The following SMTN variants were observed in gnomAD, a reference collection of about 807,000 sequenced individuals.
The protein encoded by SMTN is smoothelin.
In SMTN, 58 loss-of-function variants were observed where a neutral mutation model predicts 102.0. That is an observed-to-expected ratio of 0.57 (90% CI 0.46 to 0.71). SMTN has a LOEUF of 0.71. SMTN is among the 30% of genes least tolerant of loss of function. The probability of loss-of-function intolerance (pLI) is 0.00; values close to 1 mark genes in which losing one functional copy is unlikely to be tolerated. For missense variants in SMTN, 1,185 were observed against 1,241.7 expected, an observed-to-expected ratio of 0.95 and a Z score of 0.69; for synonymous variants, 478 against 497.9, an observed-to-expected ratio of 0.96 and a Z score of 0.53.
At chr22:31,088,192 G>A in intron 3 of SMTN, 79 bp downstream of exon 3, 4 of 1,446,182 alleles carry the variant, frequency 2.8e-6, no homozygotes, top group Non-Finnish European at 3.7e-6. Flanking sequence ...AGGCAGGCGT[G>A]AGCACAAGTG....
intron 20 of SMTN, 150 bp from the exon 21 acceptor site, chr22:31,104,166 G>C (rs757669285): frequency 5.7e-6 from 5 of 877,770 alleles, no homozygotes; most frequent in Non-Finnish European, 8.6e-6. Flanking sequence ...ATGAAGCCAG[G>C]GGCTTCCTGC....
At chr22:31,074,902 G>A (rs541968668) in intron 1 of SMTN, among the ~76,000 whole-genome samples, 7 of 152,332 alleles carry the variant, frequency 4.6e-5, no homozygotes, top group Admixed American at 4.6e-4. Context: ...GGAATGCACC[G>A]TGGAAACGTG....
rs760236889 is a variant in SMTN at position 31,083,306 on chromosome 22, G to T, written c.48G>T (p.Lys16Asn). Residue 16 changes from lysine (K) to asparagine (N), a missense_variant, in exon 2 of 21, where the codon AAG becomes AAT. Physicochemically the swap from Lys to Asn is moderately conservative, Grantham distance 94. Around this residue, in one of 2 missense-constraint regions of SMTN, gnomAD observed 1,096 missense variants for 1,112.7 expected, o/e 0.98. Transcript: ENST00000333137. ...LAGLDEGALR[K>N]LLEVTADLAE... ...GGCTGGATGAGGGAGCCCTTCGGAA[G>T]CTGGTAAGTGGCCCCATCACCCACT... The T allele has an allele frequency of 6.4e-7, 1 of 1,566,196 alleles. No homozygotes were observed. Among genetic ancestry groups the T allele is most frequent in the South Asian group, 1.2e-5 (1 of 84,084 alleles).
intron 11 of SMTN, chr22:31,094,019 C>A: frequency 6.1e-6 from 4 of 658,582 alleles, no homozygotes; most frequent in Non-Finnish European, 1.0e-5. Context: ...AAGACTAGGG[C>A]AAGAGGGTGC....
At chr22:31,094,664 G>GGTT (rs1569259756) in intron 11 of SMTN, among the ~76,000 whole-genome samples, 1 of 141,774 alleles carries the variant, frequency 7.1e-6, no homozygotes, top group Non-Finnish European at 1.5e-5. Context: ...TTCCCCTTCT[G>GGTT]TTTTTTTTTT....
chr22:31,096,651 T>C (rs1318491790), intron 13 of SMTN, 82 bp from the exon 14 acceptor site: 2 of 1,430,412 alleles, frequency 1.4e-6, no homozygotes, highest in Non-Finnish European at 1.9e-6. Flanking sequence ...CACCCCGTCT[T>C]GTGTGCCCCA....
intron 1 of SMTN, among the ~76,000 whole-genome samples, chr22:31,072,089 T>C (rs2042017925): frequency 1.3e-5 from 2 of 152,214 alleles, no homozygotes; most frequent in Admixed American, 1.3e-4. Flanking sequence ...ATAAATCCCC[T>C]TGGCCAAATT....
At chr22:31,072,795 T>C (rs1000572900) in intron 1 of SMTN, among the ~76,000 whole-genome samples, 5 of 152,104 alleles carry the variant, frequency 3.3e-5, no homozygotes, top group Non-Finnish European at 5.9e-5. Context: ...GGTCTTACTC[T>C]GTCACCCAGG....
At chr22:31,071,297 G>T (rs2147477002) in intron 1 of SMTN, among the ~76,000 whole-genome samples, 1 of 151,622 alleles carries the variant, frequency 6.6e-6, no homozygotes, top group East Asian at 2.0e-4. Context: ...GCAGCCATAG[G>T]TGTTCAGGGG....
At chr22:31,101,139 T>C in intron 20 of SMTN, 90 bp downstream of exon 20, 24 of 1,255,298 alleles carry the variant, frequency 1.9e-5, no homozygotes, top group Non-Finnish European at 2.6e-5. Flanking sequence ...GTGGGGGAAG[T>C]AAGGGGGGCA....
Position 31,100,965 on chromosome 22 carries a change from C to T in SMTN, c.2684C>T (p.Thr895Met), listed in dbSNP as rs1019845723. The part of the protein sequence containing the change: ...LREPDWKCVY[T>M]YIQEFYRCLV... The stretch of plus-strand genomic sequence containing the variant: ...GAGCCTGACTGGAAGTGCGTGTACA[C>T]GTACATCCAGGAATTCTACCGCTGT... The change falls in exon 20 of 21, where the codon ACG becomes ATG. Residue 895 changes from threonine (T) to methionine (M), a missense_variant. This residue lies in a region of SMTN where 89 missense variants were observed against 128.9 expected (regional missense o/e 0.69). Transcript: ENST00000333137. 4.3e-6 allele frequency: 7 copies of T among 1,612,948 alleles called. No individual in the cohort carries two copies. The highest frequency in any genetic ancestry group is 4.2e-6 in the Non-Finnish European group (5 of 1,179,600).
At chr22:31,086,715 A>G (rs8140524) in intron 2 of SMTN, among the ~76,000 whole-genome samples, 112,602 of 152,196 alleles carry the variant, frequency 0.74, 42,283 homozygotes, top group African/African-American at 0.86. Flanking sequence ...GAACCAACTA[A>G]GGGCTCTGGC....
intron 1 of SMTN, among the ~76,000 whole-genome samples, chr22:31,069,163 C>A (rs2041935569): frequency 6.6e-6 from 1 of 152,146 alleles, no homozygotes; most frequent in Non-Finnish European, 1.5e-5. Context: ...GGCCCCGCTC[C>A]AGAAGGAGGG....
chr22:31,077,396 A>AAAGC (rs1555959096), upstream of SMTN, among the ~76,000 whole-genome samples: 1 of 3,454 alleles, frequency 2.9e-4, no homozygotes, highest in African/African-American at 1.2e-3. Context: ...AAAACAAAAC[A>AAAGC]AAAAAAAAAA....
Position 31,093,835 on chromosome 22 carries a change from C to G in SMTN, c.1633-1468C>G, listed in dbSNP as rs542819592. 9.4e-5 allele frequency: 149 copies of G among 1,588,700 alleles called. 1 individual carries two copies. The South Asian group carries it at 1.6e-3, about 17-fold the overall frequency. ...GGCCCACCCACCTGCCTTCAGCACCCGCCGCCGCTCCTCCACCGGCACCAC... is the reference window on the plus strand; with the variant it reads ...GGCCCACCCACCTGCCTTCAGCACCGGCCGCCGCTCCTCCACCGGCACCAC... On this transcript the variant is annotated intron_variant, in intron 11 of 20. Coordinates refer to ENST00000333137, the MANE Select transcript of SMTN (RefSeq NM_134269.3).
chr22:31,094,072 C>A (rs2043366042), intron 11 of SMTN, among the ~76,000 whole-genome samples: 1 of 152,212 alleles, frequency 6.6e-6, no homozygotes, highest in South Asian at 2.1e-4. Flanking sequence ...GCCTTGGCAG[C>A]CCCTGGCATG....
At chr22:31,067,664 C>T (rs1216246877) in intron 1 of SMTN, 1 of 151,254 alleles carries the variant, frequency 6.6e-6, no homozygotes, top group Non-Finnish European at 1.5e-5. Context: ...ACGCCATTCT[C>T]CTGCCTCAGC....
intron 11 of SMTN, chr22:31,093,854 G>A: frequency 6.3e-7 from 1 of 1,580,694 alleles, no homozygotes; most frequent in South Asian, 1.1e-5. Context: ...TCCTCCACCG[G>A]CACCACCCGC....
chr22:31,091,358 C>A lies in SMTN; in HGVS notation c.1335C>A (p.Pro445=), dbSNP rs562438016. 6.2e-7 allele frequency: 1 copy of A among 1,605,490 alleles called. No homozygotes were observed. Among genetic ancestry groups the A allele is most frequent in the Non-Finnish European group, 8.5e-7 (1 of 1,178,326 alleles). ...ARSEEPGAPL[P]VAVGTAEPGG... ...CAGAGGAGCCTGGTGCCCCGCTGCC[C>A]GTGGCCGTCGGCACTGCCGAGCCAG... Residue 445 remains proline, a synonymous_variant, in exon 10 of 21, where the codon CCC becomes CCA. Transcript: ENST00000333137.
Sources: allele counts gnomAD v4.1 joint callset (sites outside exome capture counted in the v4.1 genomes callset), GRCh38; gene constraint gnomAD v4.1.1; regional missense constraint gnomAD v4.1.1; transcripts MANE v1.5; gene names NCBI Gene and HGNC (gene_info 2026-07-23, HGNC 2026-07-21).